CAMK2D: variants seen among roughly 807,000 people sequenced by gnomAD.
The protein encoded by CAMK2D is calcium/calmodulin-dependent protein kinase type II subunit delta.
CAMK2D carries 37 observed loss-of-function variants against 84.0 expected under a neutral mutation model. The observed-to-expected ratio is 0.44, with a 90% CI of 0.34 to 0.58. The LOEUF is 0.58. Ranked by LOEUF, CAMK2D falls within the 20% of genes least tolerant of loss-of-function variation. The pLI is 0.02. For synonymous variants in CAMK2D, 202 were observed against 212.5 expected (o/e 0.95, Z 0.43); for missense variants, 448 against 652.5 (o/e 0.69, Z 3.41).
In CAMK2D at chr4:113,493,643, G is replaced by T. The variant is rs1416237826; in HGVS notation, c.1135+6820C>A. Among the ~76,000 whole-genome samples the T allele has an allele frequency of 3.3e-5, 5 of 151,886 alleles. No individual in the cohort carries two copies. The South Asian group carries it at 6.3e-4, about 19-fold the overall frequency. On this transcript the variant is annotated intron_variant, in intron 16 of 20. Transcript: ENST00000511664. ...GTCTTGGAGTTGCTCTTCTCGAGGAGTATCTTTGTGGTGTTCTCTGTATTT... is the reference window on the plus strand; with the variant it reads ...GTCTTGGAGTTGCTCTTCTCGAGGATTATCTTTGTGGTGTTCTCTGTATTT...
At chr4:113,615,385 C>T (rs1462569326) in intron 3 of CAMK2D, among the ~76,000 whole-genome samples, 3 of 152,084 alleles carry the variant, frequency 2.0e-5, no homozygotes, top group Admixed American at 6.6e-5. Context: ...TCAAATTACA[C>T]TCTCTGGAGA....
At chr4:113,601,683 C>CTTTTTTTTTTTTTTTTTTTTTTTTTTT (rs755850795) in intron 4 of CAMK2D, among the ~76,000 whole-genome samples, 5 of 45,818 alleles carry the variant, frequency 1.1e-4, no homozygotes, top group South Asian at 1.1e-3. Context: ...ACTGTTTATT[C>CTTTTTTTTTTTTTTTTTTTTTTTTTTT]TTTTTTTTTT....
chr4:113,746,388 G>T lies in CAMK2D; in HGVS notation c.160+12932C>A, dbSNP rs542657747. ...TTATTATTTTAAAAGTTATCTCAATGATCCTTTAGCCACCCCTGTTCATGC... is the reference window on the plus strand; with the variant it reads ...TTATTATTTTAAAAGTTATCTCAATTATCCTTTAGCCACCCCTGTTCATGC... On this transcript the variant is annotated intron_variant, in intron 2 of 20. Coordinates refer to ENST00000511664, the MANE Select transcript of CAMK2D (RefSeq NM_001321571.2). Among the ~76,000 whole-genome samples, 6 of 150,026 alleles carry T rather than the reference G, an allele frequency of 4.0e-5. No individual in the cohort carries two copies. In the East Asian group the frequency reaches 1.2e-3, roughly 29 times the overall value.
At chr4:113,460,017 C>T (rs1214223958) in intron 18 of CAMK2D, 130 bp downstream of exon 18, 6 of 663,160 alleles carry the variant, frequency 9.0e-6, no homozygotes, top group Admixed American at 5.5e-5. Flanking sequence ...AATACAAAAC[C>T]ATTGTATGGT....
intron 3 of CAMK2D, among the ~76,000 whole-genome samples, chr4:113,610,082 T>C (rs2098993795): frequency 6.6e-6 from 1 of 152,080 alleles, no homozygotes; most frequent in Non-Finnish European, 1.5e-5. Context: ...TAGCTTCAGG[T>C]GTACATGTGC....
At chr4:113,729,108 TTA>T (rs1396595536) in intron 2 of CAMK2D, among the ~76,000 whole-genome samples, 1 of 152,144 alleles carries the variant, frequency 6.6e-6, no homozygotes, top group East Asian at 1.9e-4. Flanking sequence ...TAACAGTGGA[TTA>T]TATATTAACA....
At chr4:113,503,277 A>T in intron 14 of CAMK2D, 1 of 617,994 alleles carries the variant, frequency 1.6e-6, no homozygotes. Flanking sequence ...GTTTCACTTA[A>T]TCCTATGCTT....
At position 113,752,471 on chromosome 4, in the gene CAMK2D, A is replaced by C. The variant is rs182449817; in HGVS notation, c.160+6849T>G. On this transcript the variant is annotated intron_variant, in intron 2 of 20. Coordinates refer to ENST00000511664, the MANE Select transcript of CAMK2D (RefSeq NM_001321571.2). ...TGCCACATTTTTGTAAGAATTTGCT[A>C]CATACAACAATGTTGTTCAAAAGGA... Among the ~76,000 whole-genome samples the C allele has an allele frequency of 3.2e-3, 482 of 152,242 alleles. 1 individual carries two copies. The highest frequency in any genetic ancestry group is 5.6e-3 in the Non-Finnish European group (383 of 68,002).
intron 2 of CAMK2D, among the ~76,000 whole-genome samples, chr4:113,724,660 T>C (rs1176209998): frequency 1.3e-5 from 2 of 151,930 alleles, no homozygotes; most frequent in African/African-American, 4.8e-5. Context: ...CTTTTGGTTC[T>C]ACTGTAAATA....
intron 4 of CAMK2D, among the ~76,000 whole-genome samples, chr4:113,602,401 A>T (rs550831968): frequency 6.6e-6 from 1 of 152,328 alleles, no homozygotes; most frequent in South Asian, 2.1e-4. Context: ...AATTGTGAAG[A>T]AGCAGATACA....
At chr4:113,723,332 C>T (rs1042197340) in intron 2 of CAMK2D, among the ~76,000 whole-genome samples, 6 of 151,702 alleles carry the variant, frequency 4.0e-5, no homozygotes, top group East Asian at 3.9e-4. Flanking sequence ...TCAAGCGATG[C>T]TCATGCCTTA....
At chr4:113,620,811 C>T (rs746269841) in intron 3 of CAMK2D, among the ~76,000 whole-genome samples, 13 of 151,772 alleles carry the variant, frequency 8.6e-5, no homozygotes, top group African/African-American at 2.7e-4. Flanking sequence ...CTTCTATGAG[C>T]GATATTTTTA....
Position 113,457,320 on chromosome 4 carries a change from C to A in CAMK2D, c.1535+15G>T. The A allele has an allele frequency of 1.2e-6, 2 of 1,613,084 alleles. No homozygotes were observed. The highest frequency in any genetic ancestry group is 1.1e-5 in the South Asian group (1 of 91,028). On this transcript the variant is annotated intron_variant, in intron 19 of 20. Transcript: ENST00000511664. Reference sequence around the variant, plus strand: ...GGTGTATTAACAAAGAAGCTGACAGCCTGGAAATATTTACTTGATGGGTAC... The same window carrying A: ...GGTGTATTAACAAAGAAGCTGACAGACTGGAAATATTTACTTGATGGGTAC...
chr4:113,625,951 T>G (rs752973761), intron 3 of CAMK2D, among the ~76,000 whole-genome samples: 1 of 150,398 alleles, frequency 6.6e-6, no homozygotes, highest in Non-Finnish European at 1.5e-5. Context: ...GAGGTGGAGG[T>G]TGTAGTGAGC....
chr4:113,547,003 G>A (rs1016613982), intron 6 of CAMK2D, among the ~76,000 whole-genome samples: 1 of 152,088 alleles, frequency 6.6e-6, no homozygotes, highest in Non-Finnish European at 1.5e-5. Flanking sequence ...ATATATATTT[G>A]CTACATAAAT....
chr4:113,644,471 C>T (rs1223108739), intron 3 of CAMK2D, among the ~76,000 whole-genome samples: 1 of 152,012 alleles, frequency 6.6e-6, no homozygotes, highest in East Asian at 1.9e-4. Context: ...TCATAGGTTA[C>T]CTAGGTGTGG....
At position 113,719,384 on chromosome 4, in the gene CAMK2D, T is replaced by C. The variant is rs936863663; in HGVS notation, c.160+39936A>G. ...CTGATATTAACCAATTTGCTTTTCA[T>C]ATTATGCTGTTTTCCTGTTCTTGCT... On this transcript the variant is annotated intron_variant, in intron 2 of 20. Coordinates refer to ENST00000511664, the MANE Select transcript of CAMK2D (RefSeq NM_001321571.2). 3.3e-5 allele frequency among the ~76,000 whole-genome samples: 5 copies of C among 152,324 alleles called. No individual in the cohort carries two copies. In the South Asian group the frequency reaches 1.0e-3, roughly 32 times the overall value.
At chr4:113,684,168 G>C (rs1399738083) in intron 2 of CAMK2D, among the ~76,000 whole-genome samples, 1 of 152,206 alleles carries the variant, frequency 6.6e-6, no homozygotes, top group Non-Finnish European at 1.5e-5. Context: ...TGGAACCAGA[G>C]AATGAAAGTC....
chr4:113,475,862 C>T (rs1041325586), intron 16 of CAMK2D, among the ~76,000 whole-genome samples: 2 of 152,108 alleles, frequency 1.3e-5, no homozygotes, highest in Non-Finnish European at 2.9e-5. Flanking sequence ...GTCCATAGCT[C>T]CCTGAATCAA....
Sources: allele counts gnomAD v4.1 joint callset (sites outside exome capture counted in the v4.1 genomes callset), GRCh38; gene constraint gnomAD v4.1.1; transcripts MANE v1.5; gene names NCBI Gene and HGNC (gene_info 2026-07-23, HGNC 2026-07-21).